Variants in ATP2B3 observed in about 807,000 individuals in gnomAD.
ATP2B3 encodes the protein plasma membrane calcium-transporting ATPase 3.
Under a neutral mutation model 70.8 loss-of-function variants are expected in ATP2B3, and 12 were observed. The observed-to-expected ratio is 0.17, with a 90% CI of 0.11 to 0.27. The LOEUF (loss-of-function observed/expected upper bound fraction) is 0.27, where lower values mean the gene tolerates loss of function less well. Ranked by LOEUF, ATP2B3 falls within the 10% of genes least tolerant of loss-of-function variation. The pLI, the probability that ATP2B3 is intolerant of heterozygous loss-of-function variation, is 1.00. For missense variants in ATP2B3, 858 were observed against 1,118.5 expected (o/e 0.77, Z 3.32); for synonymous variants, 460 against 497.8 (o/e 0.92, Z 1.01).
intron 13 of ATP2B3, among the ~76,000 whole-genome samples, chrX:153,554,021 T>G (rs1450408941): frequency 8.8e-6 from 1 of 113,632 alleles, no homozygotes; most frequent in Non-Finnish European, 1.9e-5. Context: ...AGGAGAAGCT[T>G]CTGGGCTCTC....
chrX:153,566,270 A>T, intron 21 of ATP2B3, among the ~76,000 whole-genome samples: 1 of 112,367 alleles, frequency 8.9e-6, no homozygotes, highest in East Asian at 2.8e-4. Context: ...CCTGACATGG[A>T]GCGACTGACC....
At chrX:153,571,003 T>TACACACACACAC (rs879951205) in intron 21 of ATP2B3, among the ~76,000 whole-genome samples, 117 of 87,621 alleles carry the variant, frequency 1.3e-3, no homozygotes, top group Middle Eastern at 0.012. Context: ...CGTGCGCGCG[T>TACACACACACAC]ACACACACAC....
chrX:153,518,396 C>T (rs2089908273), intron 1 of ATP2B3, among the ~76,000 whole-genome samples, 36 bp from the exon 2 acceptor site: 1 of 113,156 alleles, frequency 8.8e-6, no homozygotes, highest in Non-Finnish European at 1.9e-5. Flanking sequence ...AGAAGCCGCC[C>T]GGGGCCGCAC....
At chrX:153,575,290 A>AC (rs2090841704) in intron 21 of ATP2B3, among the ~76,000 whole-genome samples, 1 of 112,419 alleles carries the variant, frequency 8.9e-6, no homozygotes, top group Non-Finnish European at 1.9e-5. Context: ...AGACAGACAG[A>AC]CCCCTGCCCC....
At chrX:153,531,126 A>G (rs913922535) in intron 2 of ATP2B3, among the ~76,000 whole-genome samples, 2 of 112,691 alleles carry the variant, frequency 1.8e-5, no homozygotes, top group Non-Finnish European at 3.8e-5. Flanking sequence ...AAGGGCAGGA[A>G]GATGTGGGGA....
chrX:153,540,145 A>T (rs1005762914), intron 3 of ATP2B3, among the ~76,000 whole-genome samples: 29 of 112,052 alleles, frequency 2.6e-4, no homozygotes, highest in African/African-American at 9.1e-4. Flanking sequence ...TTCTGTCCTG[A>T]CCTGGGCCAC....
intron 21 of ATP2B3, among the ~76,000 whole-genome samples, chrX:153,566,929 G>A (rs2124521083): frequency 8.9e-6 from 1 of 112,376 alleles, no homozygotes; most frequent in South Asian, 3.7e-4. Context: ...GCAGGGCTAG[G>A]TCAAGGGGCA....
chrX:153,536,093 C>T, intron 2 of ATP2B3, 29 bp from the exon 3 acceptor site: 1 of 558,972 alleles, frequency 1.8e-6, no homozygotes, highest in Admixed American at 2.9e-5. Context: ...AACCACTCCC[C>T]TGGCTTCTTC....
chrX:153,557,201 G>T (rs937680182), intron 16 of ATP2B3, among the ~76,000 whole-genome samples, 178 bp downstream of exon 16: 1 of 112,265 alleles, frequency 8.9e-6, no homozygotes, highest in Non-Finnish European at 1.9e-5. Flanking sequence ...CCAGTCGGGG[G>T]ACATGTGGTT....
chrX:153,563,996 C>T (rs1426590199), intron 20 of ATP2B3, among the ~76,000 whole-genome samples: 2 of 112,399 alleles, frequency 1.8e-5, no homozygotes, highest in African/African-American at 6.5e-5. Context: ...TCCCCTGCGT[C>T]CTTCTAGACT....
chrX:153,562,826 C>T (rs2090644736), intron 20 of ATP2B3, among the ~76,000 whole-genome samples: 1 of 112,435 alleles, frequency 8.9e-6, no homozygotes, highest in Admixed American at 9.4e-5. Context: ...ACAACAGACA[C>T]TTACTTTCTC....
chrX:153,553,439 C>T (rs2090488408), intron 13 of ATP2B3, among the ~76,000 whole-genome samples, 170 bp downstream of exon 13: 1 of 111,955 alleles, frequency 8.9e-6, no homozygotes, highest in East Asian at 2.8e-4. Context: ...AAGGCTCTGT[C>T]CTGCCTGCTG....
chrX:153,562,285 C>T (rs2090636968), intron 20 of ATP2B3, 43 bp downstream of exon 20: 2 of 1,137,448 alleles, frequency 1.8e-6, no homozygotes, highest in South Asian at 3.8e-5. Context: ...GCCCTGCAGA[C>T]AGCTTCTGTG....
In ATP2B3 at chrX:153,560,831, G is replaced by A. The variant is rs143225013; in HGVS notation, c.2995G>A (p.Gly999Ser). 5.8e-6 allele frequency: 7 copies of A among 1,210,291 alleles called. No homozygotes were observed. The highest frequency in any genetic ancestry group is 3.5e-5 in the South Asian group (2 of 56,836). The change falls in exon 19 of 22, where the codon GGC becomes AGC. Residue 999 changes from glycine to serine, a missense_variant. Around this residue, in one of 5 missense-constraint regions of ATP2B3, gnomAD observed 265 missense variants for 305.3 expected, o/e 0.87. Transcript: ENST00000263519. ...CCACGGCGAGAGGAACGTGTTCGAC[G>A]GCATCTTCAGCAACCCCATCTTCTG... ...KIHGERNVFD[G>S]IFSNPIFCTI...
At chrX:153,518,692 G>A (rs931218049) in intron 2 of ATP2B3, among the ~76,000 whole-genome samples, 141 bp downstream of exon 2, 2 of 111,179 alleles carry the variant, frequency 1.8e-5, no homozygotes, top group Non-Finnish European at 3.8e-5. Context: ...GCATGGCGCC[G>A]GGGCAGGTCA....
intron 21 of ATP2B3, chrX:153,569,433 G>C (rs6643736): frequency 0.38 from 216,858 of 571,412 alleles, 30,098 homozygotes; most frequent in East Asian, 0.57. Flanking sequence ...GCTGGCCTCA[G>C]TCAGGGCCCT....
chrX:153,549,732 A>G lies in ATP2B3; in HGVS notation c.1574A>G (p.Lys525Arg), dbSNP rs1252750416. Residue 525 changes from lysine (K) to arginine (R), a missense_variant, in exon 11 of 22, where the codon AAA (lysine) becomes AGA (arginine). Physicochemically the swap from Lys to Arg is conservative, Grantham distance 26 (BLOSUM62 2). Coordinates refer to ENST00000263519, the MANE Select transcript of ATP2B3 (RefSeq NM_001001344.3). ...TCCATCAACAGTGCCTATACCACCA[A>G]AATACTAGTGAGCTGGGGCAGGAGC... ...AISINSAYTT[K>R]ILPPEKEGAL... The G allele has an allele frequency of 8.3e-7, 1 of 1,209,307 alleles. No individual in the cohort carries two copies. Among genetic ancestry groups the G allele is most frequent in the Non-Finnish European group, 1.1e-6 (1 of 894,571 alleles).
At chrX:153,555,606 T>G (rs1421008697) in intron 13 of ATP2B3, among the ~76,000 whole-genome samples, 2 of 111,768 alleles carry the variant, frequency 1.8e-5, no homozygotes, top group Non-Finnish European at 3.8e-5. Flanking sequence ...TGCCACCACC[T>G]CCCGGCCAGT....
intron 19 of ATP2B3, among the ~76,000 whole-genome samples, chrX:153,561,298 C>T (rs1447307385): frequency 8.9e-6 from 1 of 112,431 alleles, no homozygotes; most frequent in Non-Finnish European, 1.9e-5. Flanking sequence ...ACACACTAAC[C>T]TCTGCTTCCC....
Sources: allele counts gnomAD v4.1 joint callset (sites outside exome capture counted in the v4.1 genomes callset), GRCh38; gene constraint gnomAD v4.1.1; regional missense constraint gnomAD v4.1.1; transcripts MANE v1.5; gene names NCBI Gene and HGNC (gene_info 2026-07-23, HGNC 2026-07-21).